Variants in TMEM131L observed in about 807,000 individuals in gnomAD.
TMEM131L encodes transmembrane 131 like, also known as transmembrane protein 131-like.
A neutral mutation model predicts 192.2 loss-of-function variants in TMEM131L; 54 were observed. The observed-to-expected ratio is 0.28, with a 90% CI of 0.23 to 0.35. The LOEUF (loss-of-function observed/expected upper bound fraction) is 0.35. Ranked by LOEUF, TMEM131L falls within the 10% of genes least tolerant of loss-of-function variation. The pLI is 1.00. For missense variants in TMEM131L, 1,888 were observed against 1,972.9 expected (o/e 0.96, Z 0.82); for synonymous variants, 701 against 704.9 (o/e 0.99, Z 0.09).
chr4:153,622,348 G>T (rs942205182), intron 28 of TMEM131L, among the ~76,000 whole-genome samples: 7 of 152,096 alleles, frequency 4.6e-5, no homozygotes, highest in African/African-American at 1.7e-4. Context: ...GGTGGTGGGG[G>T]TTGCAACCCT....
chr4:153,633,708 A>G (rs536561743), intron 32 of TMEM131L, among the ~76,000 whole-genome samples: 3 of 152,372 alleles, frequency 2.0e-5, no homozygotes, highest in Admixed American at 2.0e-4. Context: ...TTATTACAAC[A>G]GTATTTCCTA....
Position 153,604,250 on chromosome 4 carries a change from A to G in TMEM131L, c.3238A>G (p.Ile1080Val), listed in dbSNP as rs1339150287. 6 of 1,614,094 alleles carry G rather than the reference A, an allele frequency of 3.7e-6. No individual in the cohort carries two copies. Among genetic ancestry groups the G allele is most frequent in the Non-Finnish European group, 5.1e-6 (6 of 1,179,956 alleles). ...TTCAGAATGTAGTATGAAGGAGGGAATACAGACATGTATGTTTCCTAAGGA... is the reference window on the plus strand; with the variant it reads ...TTCAGAATGTAGTATGAAGGAGGGAGTACAGACATGTATGTTTCCTAAGGA... ...PSSECSMKEG[I>V]QTCMFPKETD... The change falls in exon 25 of 35, where the codon ATA becomes GTA. Residue 1080 changes from isoleucine (I) to valine (V), a missense_variant. Physicochemically the swap from Ile to Val is conservative, Grantham distance 29 (BLOSUM62 3). Transcript: ENST00000409959.
At chr4:153,556,096 C>G (rs557673806) in intron 5 of TMEM131L, among the ~76,000 whole-genome samples, 186 bp downstream of exon 5, 1 of 105,774 alleles carries the variant, frequency 9.5e-6, no homozygotes, top group Non-Finnish European at 1.7e-5. Context: ...ATTTTGGTGG[C>G]TCTTGATATC....
chr4:153,532,726 T>C (rs1416949343), intron 3 of TMEM131L, among the ~76,000 whole-genome samples: 1 of 152,144 alleles, frequency 6.6e-6, no homozygotes, highest in Non-Finnish European at 1.5e-5. Flanking sequence ...TCGGAAAGCA[T>C]TTGTTTTTAT....
chr4:153,500,518 T>C (rs1234470365), intron 3 of TMEM131L, among the ~76,000 whole-genome samples: 2 of 152,224 alleles, frequency 1.3e-5, no homozygotes, highest in Non-Finnish European at 2.9e-5. Flanking sequence ...ACTCTACTTA[T>C]TTTAATGAAG....
chr4:153,592,703 C>T (rs1027913614), intron 18 of TMEM131L, 119 bp downstream of exon 18: 9 of 726,974 alleles, frequency 1.2e-5, no homozygotes, highest in East Asian at 1.1e-4. Context: ...CAGTATTAAC[C>T]GATTAGCTCA....
At position 153,520,200 on chromosome 4, in the gene TMEM131L, A is replaced by T. The variant is rs895081926; in HGVS notation, c.240-29873A>T. Among the ~76,000 whole-genome samples the T allele has an allele frequency of 9.2e-5, 14 of 152,280 alleles. No homozygotes were observed. The South Asian group carries it at 1.9e-3, about 20-fold the overall frequency. ...GGCACGGTGGCTCACGCCTGTTGTT[A>T]TCGCAGCACTTTGGGAGGCTGAGGT... On this transcript the variant is annotated intron_variant, in intron 3 of 34. Coordinates refer to ENST00000409959, the MANE Select transcript of TMEM131L (RefSeq NM_001131007.2).
chr4:153,603,947 C>T lies in TMEM131L; in HGVS notation c.2935C>T (p.His979Tyr). The T allele has an allele frequency of 6.2e-7, 1 of 1,613,998 alleles. No individual in the cohort carries two copies. The highest frequency in any genetic ancestry group is 8.5e-7 in the Non-Finnish European group (1 of 1,179,944). ...CACCTATGGTCATTCTCAGAAGAAG[C>T]ACAAATGCTCAGTGTATTACAGTAA... ...PATYGHSQKKHKCSVYYSKHK... is the reference protein window; with the variant it reads ...PATYGHSQKKYKCSVYYSKHK... Residue 979 changes from histidine (H) to tyrosine (Y), a missense_variant, in exon 25 of 35, where the codon CAC (histidine) becomes TAC (tyrosine). Coordinates refer to ENST00000409959, the MANE Select transcript of TMEM131L (RefSeq NM_001131007.2).
intron 26 of TMEM131L, among the ~76,000 whole-genome samples, chr4:153,617,702 A>C (rs369444559): frequency 6.2e-4 from 95 of 152,354 alleles, no homozygotes; most frequent in African/African-American, 2.1e-3. Context: ...GACACAGTGA[A>C]CAGGATCCTG....
intron 3 of TMEM131L, among the ~76,000 whole-genome samples, chr4:153,499,049 C>T (rs779034489): frequency 6.6e-6 from 1 of 152,220 alleles, no homozygotes; most frequent in Non-Finnish European, 1.5e-5. Flanking sequence ...TGTAGTCTTA[C>T]GTAGAGAACT....
chr4:153,499,120 C>T (rs1402061870), intron 3 of TMEM131L, among the ~76,000 whole-genome samples: 3 of 152,228 alleles, frequency 2.0e-5, no homozygotes, highest in Non-Finnish European at 4.4e-5. Context: ...TCATGTCTCT[C>T]CTTTCTTCTG....
intron 3 of TMEM131L, among the ~76,000 whole-genome samples, chr4:153,542,929 G>A (rs1222526328): frequency 6.6e-6 from 1 of 152,196 alleles, no homozygotes; most frequent in Non-Finnish European, 1.5e-5. Context: ...TAGGTCATCA[G>A]CAATATGAGG....
chr4:153,506,729 G>T (rs1341817213), intron 3 of TMEM131L, among the ~76,000 whole-genome samples: 1 of 151,580 alleles, frequency 6.6e-6, no homozygotes, highest in Non-Finnish European at 1.5e-5. Context: ...TGTAATCCCA[G>T]CTACTCAGGA....
At chr4:153,607,144 T>A (rs1732295461) in intron 25 of TMEM131L, among the ~76,000 whole-genome samples, 1 of 152,194 alleles carries the variant, frequency 6.6e-6, no homozygotes, top group South Asian at 2.1e-4. Context: ...GGAGTTTTTT[T>A]AGTAATATTA....
chr4:153,482,431 A>G (rs1431937968), intron 3 of TMEM131L, among the ~76,000 whole-genome samples: 1 of 152,062 alleles, frequency 6.6e-6, no homozygotes, highest in East Asian at 1.9e-4. Flanking sequence ...AGCCACAGAA[A>G]CCTTTTTTTT....
intron 11 of TMEM131L, 111 bp downstream of exon 11, chr4:153,583,783 C>A: frequency 1.5e-6 from 1 of 662,924 alleles, no homozygotes; most frequent in South Asian, 1.9e-5. Flanking sequence ...GAAGGGAATG[C>A]GTTTGATTTC....
intron 4 of TMEM131L, among the ~76,000 whole-genome samples, chr4:153,550,672 G>GA: frequency 9.1e-6 from 1 of 109,504 alleles, no homozygotes; most frequent in Non-Finnish European, 1.6e-5. Context: ...TGTAGTGATT[G>GA]AAATTTAATA....
chr4:153,634,924 G>A (rs1734467577), intron 33 of TMEM131L, among the ~76,000 whole-genome samples: 1 of 152,188 alleles, frequency 6.6e-6, no homozygotes, highest in African/African-American at 2.4e-5. Context: ...TTTGATACAT[G>A]CATTGCTCCA....
intron 3 of TMEM131L, among the ~76,000 whole-genome samples, chr4:153,512,132 C>T (rs752376097): frequency 1.8e-4 from 27 of 152,130 alleles, no homozygotes; most frequent in East Asian, 5.8e-4. Context: ...AAATGGATAT[C>T]GGTTGTGGGG....
Sources: allele counts gnomAD v4.1 joint callset (sites outside exome capture counted in the v4.1 genomes callset), GRCh38; gene constraint gnomAD v4.1.1; transcripts MANE v1.5; gene names NCBI Gene and HGNC (gene_info 2026-07-23, HGNC 2026-07-21).